Variants in PGAP6 observed in about 807,000 individuals in gnomAD.
PGAP6 encodes the protein post-GPI attachment to proteins factor 6.
PGAP6 carries 62 observed loss-of-function variants against 68.4 expected under a neutral mutation model. That is an observed-to-expected ratio of 0.91 (90% CI 0.74 to 1.12). The LOEUF is 1.12. Ranked by LOEUF, PGAP6 falls within the 50% of genes most tolerant of loss-of-function variation. The probability of loss-of-function intolerance (pLI) is 0.00; values close to 1 mark genes in which losing one functional copy is unlikely to be tolerated. For missense variants in PGAP6, 1,188 were observed against 1,068.5 expected, an observed-to-expected ratio of 1.11 and a Z score of -1.56; for synonymous variants, 575 against 474.0, an observed-to-expected ratio of 1.21 and a Z score of -2.77.
chr16:376,230 C>A lies in PGAP6; in HGVS notation c.1130G>T (p.Arg377Met), dbSNP rs1358296920. The A allele has an allele frequency of 6.2e-7, 1 of 1,612,820 alleles. No homozygotes were observed. The highest frequency in any genetic ancestry group is 8.5e-7 in the Non-Finnish European group (1 of 1,180,016). Reference protein sequence around the residue: ...HFQPLDRVSVRVCSDTPSVMR... With the variant: ...HFQPLDRVSVMVCSDTPSVMR... The stretch of plus-strand genomic sequence containing the variant: ...CACGGAGGGCGTGTCCGAACACACC[C>A]TCACCGAGACCCTGTCCAGGGGCTG... The change falls in exon 6 of 13, where the codon AGG (arginine) becomes ATG (methionine). Residue 377 changes from arginine to methionine, a missense_variant. Coordinates refer to ENST00000431232, the MANE Select transcript of PGAP6 (RefSeq NM_021259.3).
rs758533907 is a variant in PGAP6 at position 376,452 on chromosome 16, C to G, written c.908G>C (p.Cys303Ser). 2 of 1,560,156 alleles carry G rather than the reference C, an allele frequency of 1.3e-6. No homozygotes were observed. Among genetic ancestry groups the G allele is most frequent in the Admixed American group, 1.8e-5 (1 of 55,166 alleles). Reference protein sequence around the residue: ...AFSAVAALTACRPRSVTIQPL... With the variant: ...AFSAVAALTASRPRSVTIQPL... ...CTGGATGGTCACGCTCCGTGGCCTG[C>G]AAGCTGCCGAGAGGACAAGGGGTTT... Residue 303 changes from cysteine (C) to serine (S), a missense_variant, in exon 6 of 13, where the codon TGC becomes TCC. By Grantham distance (112) the Cys-to-Ser change is moderately radical. Coordinates refer to ENST00000431232, the MANE Select transcript of PGAP6 (RefSeq NM_021259.3).
chr16:385,505 A>AG (rs1344430914), upstream of PGAP6, among the ~76,000 whole-genome samples: 7 of 132,352 alleles, frequency 5.3e-5, no homozygotes, highest in Non-Finnish European at 1.1e-4. Flanking sequence ...TAGAGATGGG[A>AG]TTTCACCCTG....
intron 1 of PGAP6, among the ~76,000 whole-genome samples, chr16:378,314 G>T (rs375726056): frequency 7.1e-3 from 324 of 45,818 alleles, no homozygotes; most frequent in Admixed American, 0.01. Context: ...ATCGCCACCC[G>T]CACTGCCATC....
chr16:381,269 C>G (rs1430167886), intron 1 of PGAP6, among the ~76,000 whole-genome samples: 1 of 152,236 alleles, frequency 6.6e-6, no homozygotes, highest in Non-Finnish European at 1.5e-5. Context: ...CACGGGCCCC[C>G]GCTACAGGGT....
In PGAP6 at chr16:372,614, C is replaced by T; in HGVS notation, c.2016G>A (p.Met672Ile). 6.2e-7 allele frequency: 1 copy of T among 1,610,854 alleles called. No individual in the cohort carries two copies. The highest frequency in any genetic ancestry group is 8.5e-7 in the Non-Finnish European group (1 of 1,178,942). Reference protein sequence around the residue: ...CLFAFVIMASMWAYRCGHRRQ... With the variant: ...CLFAFVIMASIWAYRCGHRRQ... Reference sequence around the variant, plus strand: ...GCCAGCCAGCCCGGCTCCTTACCCACATGGAGGCCATGATCACGAAGGCAA... The same window carrying T: ...GCCAGCCAGCCCGGCTCCTTACCCATATGGAGGCCATGATCACGAAGGCAA... The change falls in exon 12 of 13, where the codon ATG (methionine) becomes ATA (isoleucine). Residue 672 changes from methionine (M) to isoleucine (I), a missense_variant. Transcript: ENST00000431232.
At position 374,298 on chromosome 16, in the gene PGAP6, C is replaced by G. The variant is rs1291802789; in HGVS notation, c.1678G>C (p.Ala560Pro). 5.0e-6 allele frequency: 8 copies of G among 1,606,508 alleles called. No homozygotes were observed. The highest frequency in any genetic ancestry group is 6.8e-6 in the Non-Finnish European group (8 of 1,179,742). Residue 560 changes from alanine to proline, a missense_variant, in exon 10 of 13, where the codon GCC (alanine) becomes CCC (proline). Transcript: ENST00000431232. ...CGCCGCACTGAGACGGCGATGGGGG[C>G]CAGGAACATGAGGTTGCTGAGCGTG... ...LLTLSNLMFL[A>P]PIAVSVRRFF... is the part of the protein sequence containing the mutation.
Position 372,675 on chromosome 16 carries a change from C to A in PGAP6, c.1955G>T (p.Arg652Leu). Residue 652 changes from arginine (R) to leucine (L), a missense_variant, in exon 12 of 13, where the codon CGC becomes CTC. Physicochemically the swap from Arg to Leu is moderately radical, Grantham distance 102. Coordinates refer to ENST00000431232, the MANE Select transcript of PGAP6 (RefSeq NM_021259.3). ...CCCCAGCATGTTCCACATGCCCCTGCGGTCCAGCTGCAAGGACATGGCGAT... is the reference window on the plus strand; with the variant it reads ...CCCCAGCATGTTCCACATGCCCCTGAGGTCCAGCTGCAAGGACATGGCGAT... ...LVIAMSLQLD[R>L]RGMWNMLGPC... 3.7e-6 allele frequency: 6 copies of A among 1,612,386 alleles called. No individual in the cohort carries two copies. Among genetic ancestry groups the A allele is most frequent in the Non-Finnish European group, 4.2e-6 (5 of 1,179,806 alleles).
intron 1 of PGAP6, among the ~76,000 whole-genome samples, chr16:381,245 G>A (rs983473660): frequency 8.5e-5 from 13 of 152,348 alleles, no homozygotes; most frequent in African/African-American, 2.2e-4. Context: ...CGGAAGGGCT[G>A]GAGCCATGAC....
chr16:382,067 G>A, upstream of PGAP6: 1 of 434,594 alleles, frequency 2.3e-6, no homozygotes, highest in Non-Finnish European at 3.5e-6. Flanking sequence ...GACGCCGGGG[G>A]GAGGGGTCAC....
upstream of PGAP6, chr16:382,550 G>A (rs1597168141): frequency 3.2e-6 from 1 of 316,040 alleles, no homozygotes; most frequent in South Asian, 1.6e-4. Flanking sequence ...GTACCCGATC[G>A]GGGTGGCGGT....
rs753950520 is a variant in PGAP6, at chr16:372,111, C to T, written c.2192G>A (p.Gly731Glu). The change falls in exon 13 of 13, where the codon GGG becomes GAG. Residue 731 changes from glycine (G) to glutamate (E), a missense_variant. By Grantham distance (98) the Gly-to-Glu change is moderately conservative. Transcript: ENST00000431232. ...TGGCGGCAGCAGCAAGGCTGCGCTC[C>T]CGGCCAGCAGGATGTGCCAGATGCT... ...THSIWHILLA[G>E]SAALLLPPPD... 8.7e-6 allele frequency: 14 copies of T among 1,612,762 alleles called. No homozygotes were observed. Among genetic ancestry groups the T allele is most frequent in the Non-Finnish European group, 1.2e-5 (14 of 1,179,956 alleles).
chr16:376,740 G>A lies in PGAP6; in HGVS notation c.708C>T (p.Gly236=), dbSNP rs148425048. 1.0e-4 allele frequency: 162 copies of A among 1,611,406 alleles called. No homozygotes were observed. The highest frequency in any genetic ancestry group is 4.0e-4 in the South Asian group (36 of 91,040). ...GGCCCACGGTGAGACGCACGGGGCA[G>A]CCCAGGCTCCCATTGGACACGCAGT... is the stretch of plus-strand genomic sequence containing the variant. ...LRDCVSNGSL[G]CPVRLTVGPV... The change falls in exon 5 of 13, where the codon GGC becomes GGT. Residue 236 remains glycine (G), a synonymous_variant. Transcript: ENST00000431232.
upstream of PGAP6, chr16:386,827 TA>T: frequency 1.5e-6 from 1 of 683,462 alleles, no homozygotes; most frequent in Non-Finnish European, 2.6e-6. Context: ...GCGAAGGCTT[TA>T]AAGGCCAAGA....
chr16:382,664 C>T (rs964226178), upstream of PGAP6, among the ~76,000 whole-genome samples: 1 of 149,134 alleles, frequency 6.7e-6, no homozygotes, highest in Admixed American at 6.7e-5. Flanking sequence ...CTAGAAAACT[C>T]GGGGAAGCTT....
Position 375,355 on chromosome 16 carries a change from G to C in PGAP6, c.1305C>G (p.Asn435Lys), listed in dbSNP as rs757551945. 2 of 1,612,936 alleles carry C rather than the reference G, an allele frequency of 1.2e-6. No individual in the cohort carries two copies. The change falls in exon 7 of 13, where the codon AAC becomes AAG. Residue 435 changes from asparagine (N) to lysine (K), a missense_variant. Asn to Lys is a moderately conservative substitution (Grantham distance 94). Coordinates refer to ENST00000431232, the MANE Select transcript of PGAP6 (RefSeq NM_021259.3). ...GCCTGCCCATCATACCTGTGGTGCA[G>C]TTGAGCGAAGTATTGAAGCCAAGGA... ...SPFLGFNTSL[N>K]CTTAFFQGYP... is the part of the protein sequence containing the mutation.
In PGAP6 at chr16:371,764, G is replaced by A; in HGVS notation, c.*223C>T. On this transcript the variant is annotated 3_prime_UTR_variant, in exon 13 of 13. Coordinates refer to ENST00000431232, the MANE Select transcript of PGAP6 (RefSeq NM_021259.3). ...GCCCCAGGGGCCACTGCAGACAGCAGCTGGGATCTGCAGAGGGATCTCAGC... is the reference window on the plus strand; with the variant it reads ...GCCCCAGGGGCCACTGCAGACAGCAACTGGGATCTGCAGAGGGATCTCAGC... The A allele has an allele frequency of 3.6e-6, 2 of 552,302 alleles. No homozygotes were observed. Among genetic ancestry groups the A allele is most frequent in the Non-Finnish European group, 6.5e-6 (2 of 308,558 alleles). The allele number at this position is 552,302 out of a possible 1,614,324, so 34.2% of individuals were successfully genotyped here. A position where few individuals can be genotyped will look rare whatever the true frequency, so the allele number is the denominator to read the frequency against.
At chr16:380,723 G>A (rs1048065114) in intron 1 of PGAP6, among the ~76,000 whole-genome samples, 2 of 152,136 alleles carry the variant, frequency 1.3e-5, no homozygotes, top group Non-Finnish European at 2.9e-5. Flanking sequence ...ATCTCTACCT[G>A]TGCCAAGCTC....
Position 381,778 on chromosome 16 carries a change from G to A in PGAP6, c.44C>T (p.Ala15Val). 1 of 1,183,218 alleles carries A rather than the reference G, an allele frequency of 8.5e-7. No homozygotes were observed. The highest frequency in any genetic ancestry group is 1.0e-6 in the Non-Finnish European group (1 of 956,084). 73.3% of individuals were successfully genotyped at this position (1,183,218 alleles called of 1,614,324 possible). A position where few individuals can be genotyped will look rare whatever the true frequency, so the allele number is the denominator to read the frequency against. Reference sequence around the variant, plus strand: ...CAGCAGCAGCGGCCCCGCCACCACCGCGGCCACCGCCTCGCCCCCGGTCCC... The same window carrying A: ...CAGCAGCAGCGGCCCCGCCACCACCACGGCCACCGCCTCGCCCCCGGTCCC... ...GTGTGGEAVA[A>V]VVAGPLLLLL... The change falls in exon 1 of 13, where the codon GCG becomes GTG. Residue 15 changes from alanine (A) to valine (V), a missense_variant. Coordinates refer to ENST00000431232, the MANE Select transcript of PGAP6 (RefSeq NM_021259.3).
Position 371,672 on chromosome 16 carries a change from C to G in PGAP6, c.*315G>C, listed in dbSNP as rs2054334165. On this transcript the variant is annotated 3_prime_UTR_variant, in exon 13 of 13. Transcript: ENST00000431232. The stretch of plus-strand genomic sequence containing the variant: ...CCTTCTCCCCATCTCTAGCCACCCA[C>G]AGGCCAGCAGAGCACACAGCCCCAC... The G allele has an allele frequency of 2.9e-6, 1 of 345,752 alleles. No individual in the cohort carries two copies. Among genetic ancestry groups the G allele is most frequent in the Non-Finnish European group, 5.4e-6 (1 of 184,560 alleles). 21.4% of individuals were successfully genotyped at this position (345,752 alleles called of 1,614,324 possible). A position where few individuals can be genotyped will look rare whatever the true frequency, so the allele number is the denominator to read the frequency against.
Sources: gnomAD v4.1 joint callset for allele counts (sites outside exome capture counted in the v4.1 genomes callset) on GRCh38, gnomAD v4.1.1 for gene constraint, MANE v1.5 for transcripts, NCBI Gene and HGNC (gene_info 2026-07-23, HGNC 2026-07-21) for gene names.